The following LILRA2 variants were observed in gnomAD, a reference collection of about 807,000 sequenced individuals.
The protein encoded by LILRA2 is leukocyte immunoglobulin like receptor A2.
Under a neutral mutation model 47.9 loss-of-function variants are expected in LILRA2, and 45 were observed. The observed-to-expected ratio is 0.94, with a 90% CI of 0.74 to 1.20. The LOEUF (loss-of-function observed/expected upper bound fraction) is 1.20. LILRA2 is among the 50% of genes most tolerant of loss of function. The pLI, the probability that LILRA2 is intolerant of heterozygous loss-of-function variation, is 0.00. For synonymous variants in LILRA2, 279 were observed against 249.2 expected, an observed-to-expected ratio of 1.12 and a Z score of -1.13; for missense variants, 651 against 598.2, an observed-to-expected ratio of 1.09 and a Z score of -0.92.
At position 54,587,424 on chromosome 19, in the gene LILRA2, G is replaced by T. The variant is rs1016719533; in HGVS notation, c.*78G>T. 1.0e-5 allele frequency: 16 copies of T among 1,588,188 alleles called. No individual in the cohort carries two copies. Among genetic ancestry groups the T allele is most frequent in the Non-Finnish European group, 1.3e-5 (15 of 1,165,992 alleles). On this transcript the variant is annotated 3_prime_UTR_variant, in exon 8 of 8. Transcript: ENST00000391738. ...CTGATGATCCCAGGAGGCTCTGGAG[G>T]ACAATCTAGGACCTACATTATCTGG...
chr19:54,578,986 TA>T (rs1385522787), intron 6 of LILRA2, among the ~76,000 whole-genome samples: 1 of 152,188 alleles, frequency 6.6e-6, no homozygotes, highest in African/African-American at 2.4e-5. Flanking sequence ...TAAATGTGTT[TA>T]AGTTCTTTAT....
rs1391448249 is a variant in LILRA2 at position 54,588,498 on chromosome 19, C to G, written c.*1152C>G. The G allele has an allele frequency of 6.6e-6, 1 of 150,896 alleles. No individual in the cohort carries two copies. Among genetic ancestry groups the G allele is most frequent in the Non-Finnish European group, 1.5e-5 (1 of 67,848 alleles). The allele number at this position is 150,896 out of a possible 1,614,324, so 9.3% of individuals were successfully genotyped here. A position where few individuals can be genotyped will look rare whatever the true frequency, so the allele number is the denominator to read the frequency against. ...GTGGGCGCCTGTAGTCCCAGCTACT[C>G]AGGAGGCTGAGGCAGGAGAATGGCG... On this transcript the variant is annotated 3_prime_UTR_variant, in exon 8 of 8. Coordinates refer to ENST00000391738, the MANE Select transcript of LILRA2 (RefSeq NM_001130917.3).
Position 54,574,866 on chromosome 19 carries a change from C to T in LILRA2, c.488C>T (p.Pro163Leu), listed in dbSNP as rs140963680. Residue 163 changes from proline (P) to leucine (L), a missense_variant, in exon 4 of 8, where the codon CCA becomes CTA. Transcript: ENST00000391738. ...ILCKEGEDEH[P>L]QRLNSHSHAR... Reference sequence around the variant, plus strand: ...TGTAAGGAAGGAGAAGATGAACACCCACAACGCCTGAACTCCCATTCCCAT... The same window carrying T: ...TGTAAGGAAGGAGAAGATGAACACCTACAACGCCTGAACTCCCATTCCCAT... The T allele has an allele frequency of 6.2e-7, 1 of 1,614,234 alleles. No homozygotes were observed. Among genetic ancestry groups the T allele is most frequent in the South Asian group, 1.1e-5 (1 of 91,088 alleles).
chr19:54,578,524 G>A (rs1391531201), intron 6 of LILRA2, among the ~76,000 whole-genome samples: 1 of 152,122 alleles, frequency 6.6e-6, no homozygotes, highest in East Asian at 1.9e-4. Flanking sequence ...GCAGTCCACT[G>A]ATGGACATTT....
chr19:54,575,351 G>C lies in LILRA2; in HGVS notation c.751G>C (p.Asp251His). Residue 251 changes from aspartate (D) to histidine (H), a missense_variant, in exon 5 of 8, where the codon GAC becomes CAC. Transcript: ENST00000391738. The part of the protein sequence containing the change: ...TLQCVSDVGY[D>H]RFVLYKEGER... ...CCAGTGTGTCTCTGATGTCGGCTAC[G>C]ACAGATTTGTTCTGTATAAGGAGGG... 6.2e-7 allele frequency: 1 copy of C among 1,614,132 alleles called. No individual in the cohort carries two copies. The highest frequency in any genetic ancestry group is 1.1e-5 in the South Asian group (1 of 91,090).
In LILRA2 at chr19:54,587,124, G is replaced by T. The variant is rs73939005; in HGVS notation, c.1306+64G>T. The T allele has an allele frequency of 1.3e-3, 2,106 of 1,610,594 alleles. 37 individuals are homozygous for T. In the African/African-American group the frequency reaches 0.024, roughly 18 times the overall value. On this transcript the variant is annotated intron_variant, in intron 7 of 7. Transcript: ENST00000391738. Reference sequence around the variant, plus strand: ...GAGGGTCAGGTCCTGTAAAGGGGAGGTGGGTGCCCTGGGTGGACATACAGG... The same window carrying T: ...GAGGGTCAGGTCCTGTAAAGGGGAGTTGGGTGCCCTGGGTGGACATACAGG...
At chr19:54,580,181 G>C (rs1315325539) in intron 6 of LILRA2, among the ~76,000 whole-genome samples, 2 of 143,944 alleles carry the variant, frequency 1.4e-5, no homozygotes. Context: ...TTCTTGTCTT[G>C]TGCCGGTTTT....
chr19:54,574,504 G>T lies in LILRA2; in HGVS notation c.274G>T (p.Ala92Ser). The T allele has an allele frequency of 1.2e-6, 2 of 1,614,150 alleles. No individual in the cohort carries two copies. The highest frequency in any genetic ancestry group is 1.1e-5 in the South Asian group (1 of 91,086). Residue 92 changes from alanine to serine, a missense_variant, in exon 3 of 8, where the codon GCA (alanine) becomes TCA (serine). Ala to Ser is a moderately conservative substitution (Grantham distance 99). Coordinates refer to ENST00000391738, the MANE Select transcript of LILRA2 (RefSeq NM_001130917.3). ...FPIPSITWEHAGRYHCQYYSH... is the reference protein window; with the variant it reads ...FPIPSITWEHSGRYHCQYYSH... ...CATCCCATCCATCACCTGGGAACAC[G>T]CAGGGCGGTATCACTGTCAGTACTA...
At position 54,576,062 on chromosome 19, in the gene LILRA2, C is replaced by A. The variant is rs745963524; in HGVS notation, c.1208C>A (p.Pro403His). 6.2e-7 allele frequency: 1 copy of A among 1,614,148 alleles called. No homozygotes were observed. Among genetic ancestry groups the A allele is most frequent in the Non-Finnish European group, 8.5e-7 (1 of 1,180,006 alleles). ...YRCYSSLSSNPYLLSLPSDPL... is the reference protein window; with the variant it reads ...YRCYSSLSSNHYLLSLPSDPL... ...TGCTACAGCTCACTCAGCTCCAACC[C>A]CTACCTGCTGTCTCTCCCCAGTGAC... The change falls in exon 6 of 8, where the codon CCC becomes CAC. Residue 403 changes from proline to histidine, a missense_variant. Transcript: ENST00000391738.
chr19:54,583,035 C>T (rs1405638724), intron 6 of LILRA2, among the ~76,000 whole-genome samples: 1 of 150,324 alleles, frequency 6.7e-6, no homozygotes, highest in Non-Finnish European at 1.5e-5. Context: ...TCATTATTTA[C>T]CCAGTAGTCA....
Position 54,575,309 on chromosome 19 carries a change from G to A in LILRA2, c.709G>A (p.Gly237Arg). The A allele has an allele frequency of 6.2e-7, 1 of 1,613,946 alleles. No homozygotes were observed. The highest frequency in any genetic ancestry group is 8.5e-7 in the Non-Finnish European group (1 of 1,179,872). ...SVQPGPMVAP[G>R]ESLTLQCVSD... ...GCAGCCAGGTCCTATGGTGGCCCCT[G>A]GGGAGAGCCTGACCCTCCAGTGTGT... The change falls in exon 5 of 8, where the codon GGG becomes AGG. Residue 237 changes from glycine to arginine, a missense_variant. Gly to Arg is a moderately radical substitution (Grantham distance 125). Transcript: ENST00000391738.
rs751153239 is a variant in LILRA2, at chr19:54,574,487, C to T, written c.257C>T (p.Ser86Phe). 5 of 1,614,152 alleles carry T rather than the reference C, an allele frequency of 3.1e-6. No individual in the cohort carries two copies. Among genetic ancestry groups the T allele is most frequent in the Non-Finnish European group, 2.5e-6 (3 of 1,179,988 alleles). The change falls in exon 3 of 8, where the codon TCC (serine) becomes TTC (phenylalanine). Residue 86 changes from serine to phenylalanine, a missense_variant. Coordinates refer to ENST00000391738, the MANE Select transcript of LILRA2 (RefSeq NM_001130917.3). ...PGKNGQFPIP[S>F]ITWEHAGRYH... ...AAGAATGGCCAGTTCCCCATCCCAT[C>T]CATCACCTGGGAACACGCAGGGCGG...
rs1052947184 is a variant in LILRA2, at chr19:54,589,426, C to T, written c.*2080C>T. The T allele has an allele frequency of 2.6e-5, 4 of 152,110 alleles. No individual in the cohort carries two copies. The highest frequency in any genetic ancestry group is 5.9e-5 in the Non-Finnish European group (4 of 68,032). The allele number at this position is 152,110 out of a possible 1,614,324, so 9.4% of individuals were successfully genotyped here. On this transcript the variant is annotated 3_prime_UTR_variant, in exon 8 of 8. Transcript: ENST00000391738. ...GCTGAGACAGGAGAATCGCGTCAAC[C>T]CAGGAAACAGAGGTTGCAGTGAGCT...
chr19:54,582,643 G>A (rs1454980091), intron 6 of LILRA2, among the ~76,000 whole-genome samples: 2 of 151,970 alleles, frequency 1.3e-5, no homozygotes, highest in Admixed American at 1.3e-4. Flanking sequence ...ATTTTTCATT[G>A]CATCTATTTG....
At chr19:54,580,365 C>G (rs2062613576) in intron 6 of LILRA2, among the ~76,000 whole-genome samples, 2 of 88,290 alleles carry the variant, frequency 2.3e-5, no homozygotes, top group Admixed American at 2.4e-4. Flanking sequence ...CCCGACCCCA[C>G]CACAGTCCCC....
At position 54,575,408 on chromosome 19, in the gene LILRA2, C is replaced by T. The variant is rs766814014; in HGVS notation, c.808C>T (p.Gln270Ter). ...TGACTTCCTCCAGCGCCCTGGTTGG[C>T]AGCCCCAGGCTGGGCTCTCCCAGGC... Reference protein sequence around the residue: ...ERDFLQRPGWQPQAGLSQANF... With the variant: ...ERDFLQRPGW The change falls in exon 5 of 8, where the codon CAG (glutamine) becomes TAG (stop). Residue 270 changes from glutamine (Q) to a stop codon, truncating the protein, a stop_gained. Transcript: ENST00000391738. LOFTEE classifies it high-confidence loss of function. The T allele has an allele frequency of 6.2e-6, 10 of 1,614,072 alleles. No individual in the cohort carries two copies. Among genetic ancestry groups the T allele is most frequent in the Non-Finnish European group, 8.5e-6 (10 of 1,179,988 alleles).
intron 6 of LILRA2, among the ~76,000 whole-genome samples, chr19:54,586,137 TAATA>T (rs765587571): frequency 1.3e-5 from 2 of 152,244 alleles, no homozygotes; most frequent in African/African-American, 2.4e-5. Context: ...TATAACTACA[TAATA>T]AATACATTTC....
In LILRA2 at chr19:54,577,647, C is replaced by G. The variant is rs1398840037; in HGVS notation, c.1255+1538C>G. The stretch of plus-strand genomic sequence containing the variant: ...TGCCGCTCACACTGCCCCTCCTGTG[C>G]TCACCTGGAGGCCTCTGTGCTCAGG... On this transcript the variant is annotated intron_variant, in intron 6 of 7. Transcript: ENST00000391738. 4 of 1,289,480 alleles carry G rather than the reference C, an allele frequency of 3.1e-6. 1 individual carries two copies. The Middle Eastern group carries it at 8.5e-4, about 275-fold the overall frequency. The allele number at this position is 1,289,480 out of a possible 1,614,324, so 79.9% of individuals were successfully genotyped here.
chr19:54,573,630 G>T (rs113815277), upstream of LILRA2: 827 of 856,070 alleles, frequency 9.7e-4, 7 homozygotes, highest in African/African-American at 0.012. Context: ...ACAGTGGCTG[G>T]GGGGCAGGAA....
Sources: gnomAD v4.1 joint callset for allele counts (sites outside exome capture counted in the v4.1 genomes callset) on GRCh38, gnomAD v4.1.1 for gene constraint, MANE v1.5 for transcripts, NCBI Gene and HGNC (gene_info 2026-07-23, HGNC 2026-07-21) for gene names.